The following ITGB6 variants were observed in gnomAD, a reference collection of about 807,000 sequenced individuals.
ITGB6 encodes the protein integrin beta-6.
ITGB6 carries 80 observed loss-of-function variants against 84.5 expected under a neutral mutation model. That is an observed-to-expected ratio of 0.95 (90% CI 0.79 to 1.14). The LOEUF (loss-of-function observed/expected upper bound fraction) is 1.14, where lower values mean the gene tolerates loss of function less well. ITGB6 is among the 50% of genes most tolerant of loss of function. The pLI is 0.00. For synonymous variants in ITGB6, 383 were observed against 354.9 expected, an observed-to-expected ratio of 1.08 and a Z score of -0.89; for missense variants, 1,006 against 968.0, an observed-to-expected ratio of 1.04 and a Z score of -0.52.
chr2:160,191,898 G>T (rs552965169), intron 4 of ITGB6, among the ~76,000 whole-genome samples: 1 of 151,984 alleles, frequency 6.6e-6, no homozygotes, highest in Non-Finnish European at 1.5e-5. Context: ...AATGTTAAAC[G>T]TCCCTAGAAA....
At chr2:160,150,615 T>G (rs1054996508) in intron 7 of ITGB6, among the ~76,000 whole-genome samples, 2 of 152,062 alleles carry the variant, frequency 1.3e-5, no homozygotes, top group African/African-American at 2.4e-5. Context: ...CAATATTAAC[T>G]TTAAATGTAA....
Position 160,103,292 on chromosome 2 carries a change from T to C in ITGB6, c.2269-1458A>G, listed in dbSNP as rs73008728. Among the ~76,000 whole-genome samples the C allele has an allele frequency of 8.7e-3, 1,322 of 152,312 alleles. 19 individuals are homozygous for C. The highest frequency in any genetic ancestry group is 0.03 in the African/African-American group (1,253 of 41,578). On this transcript the variant is annotated intron_variant, in intron 14 of 14. Transcript: ENST00000283249. ...GGTCTTTCCCACTCACTGGCCTCAG[T>C]GCCCTCATTGTGAGTGGGAATCACA...
intron 7 of ITGB6, among the ~76,000 whole-genome samples, chr2:160,147,926 T>C (rs1684262173): frequency 2.0e-5 from 3 of 152,184 alleles, no homozygotes; most frequent in African/African-American, 7.2e-5. Context: ...ACTTTTTAGA[T>C]ATAACACCAA....
intron 12 of ITGB6, among the ~76,000 whole-genome samples, chr2:160,122,488 G>C (rs1253704410): frequency 6.6e-6 from 1 of 152,124 alleles, no homozygotes; most frequent in Non-Finnish European, 1.5e-5. Flanking sequence ...AGAAACACTT[G>C]GTAACTATCC....
chr2:160,103,106 T>C (rs1696785106), intron 14 of ITGB6, among the ~76,000 whole-genome samples: 1 of 152,202 alleles, frequency 6.6e-6, no homozygotes, highest in Non-Finnish European at 1.5e-5. Flanking sequence ...CCTCTGACCT[T>C]CTAAGTTAAA....
intron 10 of ITGB6, 94 bp downstream of exon 10, chr2:160,137,340 A>G (rs1047587257): frequency 6.5e-5 from 76 of 1,164,020 alleles, no homozygotes; most frequent in Non-Finnish European, 7.8e-5. Flanking sequence ...TTGAGCACCT[A>G]CTGTGCCCAG....
chr2:160,168,925 T>A (rs1481701047), intron 7 of ITGB6, among the ~76,000 whole-genome samples: 1 of 152,248 alleles, frequency 6.6e-6, no homozygotes, highest in Admixed American at 6.5e-5. Context: ...TTCTTTTAGG[T>A]AGGCTGTCCT....
Position 160,154,664 on chromosome 2 carries a change from C to T in ITGB6, c.1018-12593G>A, listed in dbSNP as rs568079208. Among the ~76,000 whole-genome samples, 10 of 151,654 alleles carry T rather than the reference C, an allele frequency of 6.6e-5. No individual in the cohort carries two copies. In the South Asian group the frequency reaches 2.1e-3, roughly 32 times the overall value. ...TGCTTTATTCATAATTGGCAAAAGC[C>T]AGAAGCAACCAAGATGTCCTTTAGT... On this transcript the variant is annotated intron_variant, in intron 7 of 14. Transcript: ENST00000283249.
At chr2:160,153,016 G>T (rs1256633697) in intron 7 of ITGB6, among the ~76,000 whole-genome samples, 2 of 152,120 alleles carry the variant, frequency 1.3e-5, no homozygotes, top group East Asian at 3.8e-4. Flanking sequence ...TACTGCCCAA[G>T]GTAATTTATA....
rs1385882931 is a variant in ITGB6, at chr2:160,169,257, C to T, written c.972G>A (p.Val324=). The T allele has an allele frequency of 1.2e-6, 2 of 1,604,194 alleles. No individual in the cohort carries two copies. Among genetic ancestry groups the T allele is most frequent in the Non-Finnish European group, 1.7e-6 (2 of 1,176,400 alleles). ...CTTGGGTTACAGCGAAGATCAATAA[C>T]ACGTTGTTTTGTACCAGTTTATCAA... is the stretch of plus-strand genomic sequence containing the variant. ...QLIDKLVQNN[V]LLIFAVTQEQ... The change falls in exon 7 of 15, where the codon GTG becomes GTA. Residue 324 remains valine (V), a synonymous_variant. Transcript: ENST00000283249.
chr2:160,170,954 A>G (rs1685176918), intron 6 of ITGB6, among the ~76,000 whole-genome samples: 1 of 152,190 alleles, frequency 6.6e-6, no homozygotes, highest in East Asian at 1.9e-4. Flanking sequence ...CTTGCCCCTC[A>G]CTGACTAAAA....
intron 4 of ITGB6, among the ~76,000 whole-genome samples, chr2:160,190,375 T>C (rs1475652768): frequency 6.6e-6 from 1 of 151,976 alleles, no homozygotes; most frequent in East Asian, 1.9e-4. Context: ...ACACTCTTTG[T>C]GATTGGCATT....
At position 160,101,838 on chromosome 2, in the gene ITGB6, GAA is replaced by G. The variant is rs5835793; in HGVS notation, c.2269-6_2269-5del. 0.4 allele frequency: 410,342 copies of G among 1,030,676 alleles called. 63,724 individuals are homozygous for G. Among genetic ancestry groups the G allele is most frequent in the African/African-American group, 0.81 (53,368 of 66,096 alleles). 63.8% of individuals were successfully genotyped at this position (1,030,676 alleles called of 1,614,324 possible). On this transcript the variant is annotated splice_polypyrimidine_tract_variant and splice_region_variant and intron_variant, in intron 14 of 14. Transcript: ENST00000283249. ...CTCTGTAGAGTGGATTGGTTCCCTG[GAA>G]AAAAAAAAAAGATTCAAGTGAAAGT...
At chr2:160,199,330 C>G (rs184445701) in intron 1 of ITGB6, 72 bp from the exon 2 acceptor site, 126 of 1,101,734 alleles carry the variant, frequency 1.1e-4, no homozygotes, top group Non-Finnish European at 1.6e-4. Flanking sequence ...ACTGATGGCT[C>G]TTACATTACT....
chr2:160,132,062 T>G (rs2105809238), intron 10 of ITGB6, among the ~76,000 whole-genome samples: 1 of 152,254 alleles, frequency 6.6e-6, no homozygotes, highest in South Asian at 2.1e-4. Context: ...GAAAGGTAAT[T>G]TCAAGTGTTT....
At chr2:160,148,838 G>A (rs1684294797) in intron 7 of ITGB6, among the ~76,000 whole-genome samples, 3 of 152,228 alleles carry the variant, frequency 2.0e-5, no homozygotes, top group African/African-American at 7.2e-5. Flanking sequence ...ACGGAGCCTT[G>A]CTCACTGCTA....
At chr2:160,114,683 C>T (rs4664311) in intron 12 of ITGB6, among the ~76,000 whole-genome samples, 100,571 of 151,228 alleles carry the variant, frequency 0.67, 33,751 homozygotes, top group Admixed American at 0.74. Flanking sequence ...GCACCGTGCG[C>T]GAGCCAAAGC....
At chr2:160,153,854 AG>A (rs1457395452) in intron 7 of ITGB6, among the ~76,000 whole-genome samples, 1 of 152,254 alleles carries the variant, frequency 6.6e-6, no homozygotes, top group Non-Finnish European at 1.5e-5. Context: ...ACTGGCCATC[AG>A]AGAAATGCAA....
At chr2:160,166,106 T>A (rs1300757456) in intron 7 of ITGB6, among the ~76,000 whole-genome samples, 2 of 151,900 alleles carry the variant, frequency 1.3e-5, no homozygotes, top group African/African-American at 2.4e-5. Flanking sequence ...TGATTGAGGG[T>A]TTTTTGTCTC....
Sources: gnomAD v4.1 joint callset for allele counts (sites outside exome capture counted in the v4.1 genomes callset) on GRCh38, gnomAD v4.1.1 for gene constraint, MANE v1.5 for transcripts, NCBI Gene and HGNC (gene_info 2026-07-23, HGNC 2026-07-21) for gene names.